Variants in MTA3 observed in about 807,000 individuals in gnomAD.
MTA3 encodes metastasis-associated protein MTA3.
Under a neutral mutation model 83.5 loss-of-function variants are expected in MTA3, and 34 were observed. The observed-to-expected ratio is 0.41, with a 90% CI of 0.31 to 0.54. The LOEUF (loss-of-function observed/expected upper bound fraction) is 0.54. Ranked by LOEUF, MTA3 falls within the 20% of genes least tolerant of loss-of-function variation. MTA3 has a pLI of 0.33. For synonymous variants in MTA3, 303 were observed against 252.7 expected (o/e 1.20, Z -1.89); for missense variants, 761 against 726.4 (o/e 1.05, Z -0.55).
intron 2 of MTA3, among the ~76,000 whole-genome samples, chr2:42,503,753 T>C (rs962530465): frequency 4.6e-5 from 7 of 152,242 alleles, no homozygotes; most frequent in African/African-American, 1.4e-4. Context: ...TGTGTACCTG[T>C]AGTCTCAGCT....
Position 42,609,555 on chromosome 2 carries a change from G to A in MTA3, c.288G>A (p.Gln96=), listed in dbSNP as rs758404584. The stretch of plus-strand genomic sequence containing the variant: ...ATAGGGAACTCTTTTTGTCACGCCA[G>A]TATGAATCTCTGCCCGCAACACATA... ...LKHRELFLSR[Q]YESLPATHIR... The change falls in exon 4 of 17, where the codon CAG becomes CAA. Residue 96 remains glutamine (Q), a synonymous_variant. Transcript: ENST00000405094. The A allele has an allele frequency of 5.0e-6, 8 of 1,613,826 alleles. No homozygotes were observed. Among genetic ancestry groups the A allele is most frequent in the Non-Finnish European group, 6.8e-6 (8 of 1,179,788 alleles).
At chr2:42,616,570 TTC>T (rs1469266775) in intron 4 of MTA3, among the ~76,000 whole-genome samples, 8 of 115,820 alleles carry the variant, frequency 6.9e-5, no homozygotes, top group South Asian at 3.4e-4. Context: ...CTTCTTCTTC[TTC>T]TTTTTTTTTT....
chr2:42,520,351 A>G (rs138661406), intron 2 of MTA3, among the ~76,000 whole-genome samples: 2 of 152,240 alleles, frequency 1.3e-5, no homozygotes, highest in East Asian at 3.9e-4. Flanking sequence ...GTCCCAGAGC[A>G]AACCAATGAC....
rs1263244858 is a variant in MTA3, at chr2:42,682,419, T to G, written c.721T>G (p.Leu241Val). 1 of 1,604,978 alleles carries G rather than the reference T, an allele frequency of 6.2e-7. No individual in the cohort carries two copies. Among genetic ancestry groups the G allele is most frequent in the East Asian group, 2.2e-5 (1 of 44,702 alleles). The change falls in exon 9 of 17, where the codon TTG becomes GTG. Residue 241 changes from leucine (L) to valine (V), a missense_variant. By Grantham distance (32) the Leu-to-Val change is conservative. Transcript: ENST00000405094. The stretch of plus-strand genomic sequence containing the variant: ...TCTTTAGTTTCACGCTATGGATACA[T>G]TGTATAGACACAGCTATGATTTGAG... ...DITLFHAMDT[L>V]YRHSYDLSSA...
At chr2:42,725,988 G>T (rs1483014262) in intron 16 of MTA3, among the ~76,000 whole-genome samples, 1 of 152,172 alleles carries the variant, frequency 6.6e-6, no homozygotes, top group Non-Finnish European at 1.5e-5. Flanking sequence ...TATGTCCACA[G>T]GGTATAGGAT....
intron 16 of MTA3, among the ~76,000 whole-genome samples, chr2:42,733,048 C>T (rs1469002631): frequency 6.6e-6 from 1 of 152,196 alleles, no homozygotes; most frequent in Non-Finnish European, 1.5e-5. Context: ...CAAACTGTTC[C>T]AACCTGTGCC....
chr2:42,554,107 G>A (rs1250548706), intron 2 of MTA3, among the ~76,000 whole-genome samples: 1 of 151,924 alleles, frequency 6.6e-6, no homozygotes, highest in African/African-American at 2.4e-5. Context: ...TGTGGTGCAT[G>A]CCTGTAATCC....
intron 9 of MTA3, among the ~76,000 whole-genome samples, chr2:42,693,266 C>G (rs1315065758): frequency 1.3e-5 from 2 of 152,138 alleles, no homozygotes; most frequent in Non-Finnish European, 2.9e-5. Flanking sequence ...ACTCAAGGCC[C>G]TAGGGCTCCA....
At chr2:42,680,774 T>G (rs1264557069) in intron 8 of MTA3, among the ~76,000 whole-genome samples, 1 of 152,138 alleles carries the variant, frequency 6.6e-6, no homozygotes, top group East Asian at 1.9e-4. Flanking sequence ...TTTTAAAAAA[T>G]AGGGCATCAC....
chr2:42,756,166 T>C lies in MTA3; in HGVS notation c.*2767T>C, dbSNP rs1244287471. The stretch of plus-strand genomic sequence containing the variant: ...AAGCCGCCCCCATCCTGAGACTGGC[T>C]GGGCACCAGGGGAGGACGCGTCACC... On this transcript the variant is annotated 3_prime_UTR_variant, in exon 17 of 17. Coordinates refer to ENST00000405094, the MANE Select transcript of MTA3 (RefSeq NM_001330442.2). 3.3e-5 allele frequency: 12 copies of C among 367,678 alleles called. No individual in the cohort carries two copies. The highest frequency in any genetic ancestry group is 4.5e-5 in the Non-Finnish European group (12 of 265,104). The allele number at this position is 367,678 out of a possible 1,614,324, so 22.8% of individuals were successfully genotyped here.
At position 42,753,420 on chromosome 2, in the gene MTA3, C is replaced by G; in HGVS notation, c.*21C>G. ...ACTGAGCTTTCCCTGATTCATTCTA[C>G]AATCCAAGACTTGCTGCACTGTCCT... On this transcript the variant is annotated 3_prime_UTR_variant, in exon 17 of 17. Transcript: ENST00000405094. The G allele has an allele frequency of 1.9e-6, 3 of 1,550,584 alleles. No homozygotes were observed. Among genetic ancestry groups the G allele is most frequent in the Non-Finnish European group, 2.6e-6 (3 of 1,146,954 alleles).
intron 16 of MTA3, among the ~76,000 whole-genome samples, chr2:42,744,348 G>A (rs1210155281): frequency 6.6e-6 from 1 of 152,196 alleles, no homozygotes; most frequent in Non-Finnish European, 1.5e-5. Flanking sequence ...TTCTCCCAGA[G>A]AGTACTTCTA....
intron 11 of MTA3, among the ~76,000 whole-genome samples, chr2:42,699,769 A>G (rs1693698906): frequency 6.6e-6 from 1 of 152,172 alleles, no homozygotes; most frequent in Non-Finnish European, 1.5e-5. Flanking sequence ...AGAGTTGTTC[A>G]ATATGCTGTC....
intron 2 of MTA3, among the ~76,000 whole-genome samples, chr2:42,555,755 G>A (rs541657592): frequency 2.5e-4 from 38 of 151,656 alleles, no homozygotes; most frequent in South Asian, 2.1e-3. Flanking sequence ...GCAACAGAGC[G>A]AGACTCCGTC....
At chr2:42,523,781 G>T (rs1675539247) in intron 2 of MTA3, among the ~76,000 whole-genome samples, 1 of 152,032 alleles carries the variant, frequency 6.6e-6, no homozygotes, top group Admixed American at 6.6e-5. Flanking sequence ...AGCTGGGTGT[G>T]GTGGTGCATG....
intron 3 of MTA3, among the ~76,000 whole-genome samples, chr2:42,603,588 A>G (rs959174776): frequency 3.3e-5 from 5 of 152,348 alleles, no homozygotes; most frequent in Middle Eastern, 3.4e-3. Flanking sequence ...CTGTGGAAAT[A>G]AAATTTCTGT....
chr2:42,634,197 A>G (rs1262788413), intron 4 of MTA3, among the ~76,000 whole-genome samples: 2 of 152,170 alleles, frequency 1.3e-5, no homozygotes, highest in African/African-American at 4.8e-5. Flanking sequence ...GGTTGAGAAA[A>G]CCTGATATAT....
intron 4 of MTA3, among the ~76,000 whole-genome samples, chr2:42,615,903 G>C (rs192085301): frequency 7.3e-5 from 11 of 150,578 alleles, no homozygotes; most frequent in African/African-American, 2.7e-4. Flanking sequence ...TGTATTTTTA[G>C]TAGAGACAGG....
intron 8 of MTA3, among the ~76,000 whole-genome samples, chr2:42,675,218 A>G (rs1194475774): frequency 1.3e-5 from 2 of 150,996 alleles, no homozygotes; most frequent in Non-Finnish European, 3.0e-5. Context: ...TCACTGCAAC[A>G]GCCGCCTCCT....
Sources: gnomAD v4.1 joint callset for allele counts (sites outside exome capture counted in the v4.1 genomes callset) on GRCh38, gnomAD v4.1.1 for gene constraint, MANE v1.5 for transcripts, NCBI Gene and HGNC (gene_info 2026-07-23, HGNC 2026-07-21) for gene names.